GRID1: variants seen among roughly 807,000 people sequenced by gnomAD.
GRID1 encodes glutamate ionotropic receptor delta type subunit 1, also known as glutamate receptor ionotropic, delta-1.
Under a neutral mutation model 98.0 loss-of-function variants are expected in GRID1, and 28 were observed. The ratio of observed to expected loss-of-function variants is 0.29; its 90% CI spans 0.21 to 0.39. The LOEUF is 0.39. GRID1 is among the 10% of genes least tolerant of loss of function. The probability of loss-of-function intolerance (pLI) is 1.00; values close to 1 mark genes in which losing one functional copy is unlikely to be tolerated. For missense variants in GRID1, 1,111 were observed against 1,340.5 expected (o/e 0.83, Z 2.67); for synonymous variants, 553 against 538.5 (o/e 1.03, Z -0.37).
chr10:86,106,933 G>C (rs759867780), intron 4 of GRID1, among the ~76,000 whole-genome samples: 1 of 152,102 alleles, frequency 6.6e-6, no homozygotes, highest in Non-Finnish European at 1.5e-5. Context: ...GGTGAGGAGA[G>C]AGGTGAAGTT....
intron 12 of GRID1, among the ~76,000 whole-genome samples, chr10:85,692,479 T>C (rs1841344394): frequency 6.6e-6 from 1 of 151,816 alleles, no homozygotes; most frequent in Admixed American, 6.6e-5. Context: ...CTGGGAAACA[T>C]GGCAAAATCT....
chr10:85,620,293 G>A (rs889028233), intron 13 of GRID1, among the ~76,000 whole-genome samples: 9 of 152,232 alleles, frequency 5.9e-5, no homozygotes, highest in African/African-American at 2.2e-4. Context: ...AGAGGAGCTA[G>A]AGGTGGGCTC....
chr10:85,876,549 A>G (rs1843333885), intron 5 of GRID1, among the ~76,000 whole-genome samples: 1 of 152,336 alleles, frequency 6.6e-6, no homozygotes, highest in Non-Finnish European at 1.5e-5. Flanking sequence ...AACAGGTTCT[A>G]GGATTAGGCC....
chr10:86,040,062 G>C (rs1009994069), intron 4 of GRID1, among the ~76,000 whole-genome samples: 1 of 152,156 alleles, frequency 6.6e-6, no homozygotes. Flanking sequence ...CCGCATTTCA[G>C]GTAGGGCATC....
chr10:85,889,644 T>C (rs940375599), intron 5 of GRID1, among the ~76,000 whole-genome samples: 1 of 152,220 alleles, frequency 6.6e-6, no homozygotes, highest in African/African-American at 2.4e-5. Context: ...GCAATAAACA[T>C]GAGAGTTCAG....
chr10:86,273,004 T>A (rs900190860), intron 2 of GRID1, among the ~76,000 whole-genome samples: 4 of 152,188 alleles, frequency 2.6e-5, no homozygotes, highest in African/African-American at 9.7e-5. Flanking sequence ...GCTGGTGTGC[T>A]ACACCCATTA....
chr10:85,803,627 T>G (rs1034752451), intron 8 of GRID1, among the ~76,000 whole-genome samples: 7 of 151,890 alleles, frequency 4.6e-5, no homozygotes, highest in African/African-American at 7.2e-5. Context: ...ATAAAGAAAT[T>G]TAAGCAACAT....
intron 12 of GRID1, among the ~76,000 whole-genome samples, chr10:85,719,758 C>A (rs1171879908): frequency 1.3e-5 from 2 of 151,996 alleles, no homozygotes; most frequent in African/African-American, 4.8e-5. Context: ...GAAAAAAAAG[C>A]CCTCAGCCTA....
intron 8 of GRID1, among the ~76,000 whole-genome samples, chr10:85,736,451 G>C (rs990177229): frequency 6.6e-6 from 1 of 152,158 alleles, no homozygotes; most frequent in Non-Finnish European, 1.5e-5. Flanking sequence ...CTTGTCTCAA[G>C]GTAGTATTGG....
At chr10:86,279,720 C>G (rs559134878) in intron 2 of GRID1, among the ~76,000 whole-genome samples, 3 of 152,152 alleles carry the variant, frequency 2.0e-5, no homozygotes, top group Non-Finnish European at 4.4e-5. Flanking sequence ...GTCATCACTT[C>G]TAACATTTTA....
chr10:85,849,460 G>A (rs986600037), intron 8 of GRID1, among the ~76,000 whole-genome samples: 1 of 152,138 alleles, frequency 6.6e-6, no homozygotes, highest in African/African-American at 2.4e-5. Context: ...CCATTTCCCT[G>A]GGAAATCGCT....
chr10:86,018,584 C>G (rs558602280), intron 4 of GRID1, among the ~76,000 whole-genome samples: 31 of 152,348 alleles, frequency 2.0e-4, no homozygotes, highest in Admixed American at 1.1e-3. Flanking sequence ...GTTACATGCA[C>G]GTGACTGCAG....
chr10:85,620,141 C>CCCA lies in GRID1; in HGVS notation c.2194-109_2194-108insTGG, dbSNP rs1290249660. The CCCA allele has an allele frequency of 8.2e-4, 703 of 854,430 alleles. 1 individual carries two copies. Among genetic ancestry groups the CCCA allele is most frequent in the Admixed American group, 2.7e-3 (127 of 47,400 alleles). 52.9% of individuals were successfully genotyped at this position (854,430 alleles called of 1,614,324 possible). ...ATTTGAGGGACCCATCCTCAATGGT[C>CCCA]TTCCTACCCACCAGACAGCACAGCA... is the stretch of plus-strand genomic sequence containing the variant. On this transcript the variant is annotated intron_variant, in intron 13 of 15. Transcript: ENST00000327946.
At chr10:85,986,479 C>A (rs1252839125) in intron 4 of GRID1, among the ~76,000 whole-genome samples, 1 of 152,182 alleles carries the variant, frequency 6.6e-6, no homozygotes, top group Non-Finnish European at 1.5e-5. Flanking sequence ...TGATAGGAGG[C>A]CAGCTGGGAA....
intron 2 of GRID1, among the ~76,000 whole-genome samples, chr10:86,322,727 T>TA (rs929442438): frequency 6.7e-6 from 1 of 149,560 alleles, no homozygotes; most frequent in African/African-American, 2.4e-5. Flanking sequence ...TATTTTTTTT[T>TA]AAATAAAAAT....
At chr10:86,099,652 C>T (rs963305878) in intron 4 of GRID1, among the ~76,000 whole-genome samples, 5 of 152,206 alleles carry the variant, frequency 3.3e-5, no homozygotes, top group African/African-American at 1.2e-4. Flanking sequence ...ACATCCCATC[C>T]ATCAAGCCCT....
intron 12 of GRID1, among the ~76,000 whole-genome samples, chr10:85,703,456 A>T (rs1488080109): frequency 6.6e-6 from 1 of 152,070 alleles, no homozygotes; most frequent in Non-Finnish European, 1.5e-5. Flanking sequence ...GCCATATAGG[A>T]TGTTAAGAAG....
chr10:86,332,094 G>A (rs946239701), intron 2 of GRID1, among the ~76,000 whole-genome samples: 2 of 152,198 alleles, frequency 1.3e-5, no homozygotes, highest in African/African-American at 4.8e-5. Flanking sequence ...GGGAAACCCC[G>A]AGTCCAGGCC....
At chr10:85,939,163 CCT>C (rs1841965654) in intron 4 of GRID1, among the ~76,000 whole-genome samples, 1 of 152,142 alleles carries the variant, frequency 6.6e-6, no homozygotes, top group African/African-American at 2.4e-5. Flanking sequence ...CCGGGGGACC[CCT>C]GATTCCTCCA....
Sources: allele counts gnomAD v4.1 joint callset (sites outside exome capture counted in the v4.1 genomes callset), GRCh38; gene constraint gnomAD v4.1.1; transcripts MANE v1.5; gene names NCBI Gene and HGNC (gene_info 2026-07-23, HGNC 2026-07-21).